Variants in ISX observed in about 807,000 individuals in gnomAD.
The protein encoded by ISX is intestine-specific homeobox.
In ISX, 15 loss-of-function variants were observed where a neutral mutation model predicts 16.9. That is an observed-to-expected ratio of 0.89 (90% CI 0.59 to 1.36). The LOEUF is 1.36. Among genes scored for constraint, ISX ranks in the 40% most tolerant of loss-of-function variants. ISX has a pLI of 0.00. For synonymous variants in ISX, 125 were observed against 119.7 expected (o/e 1.04, Z -0.29); for missense variants, 316 against 306.1 (o/e 1.03, Z -0.24).
chr22:35,068,606 G>C (rs889841507), intron 2 of ISX, among the ~76,000 whole-genome samples: 8 of 152,192 alleles, frequency 5.3e-5, no homozygotes, highest in African/African-American at 1.9e-4. Context: ...TGTCATGAGA[G>C]AGAGGTCTCG....
chr22:35,069,961 AAGGCCC>A (rs1328591367), intron 2 of ISX, among the ~76,000 whole-genome samples: 6 of 152,216 alleles, frequency 3.9e-5, no homozygotes, highest in Admixed American at 3.9e-4. Flanking sequence ...TCTAAGTGAA[AAGGCCC>A]AGGAATCTGC....
chr22:35,070,571 A>G (rs5755567), intron 2 of ISX, among the ~76,000 whole-genome samples: 25,775 of 152,242 alleles, frequency 0.17, 2,338 homozygotes, highest in Admixed American at 0.24. Flanking sequence ...CCTGTGGGGA[A>G]CCCAGGTATC....
Position 35,085,434 on chromosome 22 carries a change from C to T in ISX, c.499-20C>T, listed in dbSNP as rs1230439230. 1 of 1,614,158 alleles carries T rather than the reference C, an allele frequency of 6.2e-7. No individual in the cohort carries two copies. The highest frequency in any genetic ancestry group is 1.7e-5 in the Admixed American group (1 of 60,030). On this transcript the variant is annotated intron_variant, in intron 4 of 4. Coordinates refer to ENST00000404699, the MANE Select transcript of ISX (RefSeq NM_001303508.2). ...ACAGCTTAGGACTCACTTCTCTCTC[C>T]TGACCTCTCCTTGTGACAGGGGCCC...
At chr22:35,084,961 A>G (rs1423376150) in intron 4 of ISX, among the ~76,000 whole-genome samples, 1 of 152,138 alleles carries the variant, frequency 6.6e-6, no homozygotes, top group Non-Finnish European at 1.5e-5. Context: ...GCACCTAGGA[A>G]GTGCTCCCTA....
chr22:35,072,480 C>T (rs893193002), intron 2 of ISX, among the ~76,000 whole-genome samples: 1 of 152,128 alleles, frequency 6.6e-6, no homozygotes, highest in Admixed American at 6.5e-5. Flanking sequence ...AAACATACTC[C>T]CTAGAATTAT....
chr22:35,085,641 T>C lies in ISX; in HGVS notation c.686T>C (p.Ile229Thr). The C allele has an allele frequency of 3.1e-6, 5 of 1,614,214 alleles. No individual in the cohort carries two copies. The highest frequency in any genetic ancestry group is 4.2e-6 in the Non-Finnish European group (5 of 1,180,036). ...CAAACTTGCATCCCTGTGCTATGCA[T>C]CCTTCCACCTCCACACCCCAAATGG... ...IHQTCIPVLC[I>T]LPPPHPKWGS... is the part of the protein sequence containing the mutation. Residue 229 changes from isoleucine (I) to threonine (T), a missense_variant, in exon 5 of 5, where the codon ATC becomes ACC. Physicochemically the swap from Ile to Thr is moderately conservative, Grantham distance 89 (BLOSUM62 -1). Coordinates refer to ENST00000404699, the MANE Select transcript of ISX (RefSeq NM_001303508.2).
At chr22:35,075,779 C>G (rs1211622132) in intron 2 of ISX, among the ~76,000 whole-genome samples, 1 of 152,130 alleles carries the variant, frequency 6.6e-6, no homozygotes, top group East Asian at 1.9e-4. Flanking sequence ...GCCAGTCACC[C>G]CGGGGAGTGG....
intron 3 of ISX, among the ~76,000 whole-genome samples, chr22:35,083,291 C>T (rs1929167351): frequency 1.3e-4 from 20 of 152,084 alleles, no homozygotes. Flanking sequence ...GCCTGTAGGC[C>T]GCAGTTTGTC....
At chr22:35,078,980 A>T (rs1929058458) in intron 2 of ISX, among the ~76,000 whole-genome samples, 1 of 152,240 alleles carries the variant, frequency 6.6e-6, no homozygotes, top group African/African-American at 2.4e-5. Flanking sequence ...ACTGAGGCCC[A>T]GATAATGAAT....
At chr22:35,080,872 CCT>C (rs1362901062) in intron 2 of ISX, among the ~76,000 whole-genome samples, 2 of 152,158 alleles carry the variant, frequency 1.3e-5, no homozygotes, top group African/African-American at 2.4e-5. Flanking sequence ...TGTCCACCTC[CCT>C]CTGTTAGCAC....
At chr22:35,074,115 T>C (rs1928922199) in intron 2 of ISX, among the ~76,000 whole-genome samples, 1 of 152,264 alleles carries the variant, frequency 6.6e-6, no homozygotes. Context: ...TCTCTGCATG[T>C]GAGCTCACCT....
At chr22:35,070,152 G>C (rs1490081531) in intron 2 of ISX, among the ~76,000 whole-genome samples, 2 of 152,220 alleles carry the variant, frequency 1.3e-5, no homozygotes, top group South Asian at 2.1e-4. Flanking sequence ...GTGCTCTACT[G>C]TCCTCATTTC....
At chr22:35,082,835 C>T (rs1283801418) in intron 3 of ISX, among the ~76,000 whole-genome samples, 166 bp downstream of exon 3, 1 of 152,178 alleles carries the variant, frequency 6.6e-6, no homozygotes, top group Non-Finnish European at 1.5e-5. Context: ...GAAATGAGGT[C>T]ACTATAGCTC....
chr22:35,086,098 C>T lies in ISX; in HGVS notation c.*405C>T, dbSNP rs1929249439. The T allele has an allele frequency of 3.4e-6, 1 of 292,208 alleles. No homozygotes were observed. Among genetic ancestry groups the T allele is most frequent in the Admixed American group, 4.8e-5 (1 of 20,872 alleles). The allele number at this position is 292,208 out of a possible 1,614,324, so 18.1% of individuals were successfully genotyped here. The stretch of plus-strand genomic sequence containing the variant: ...TTTCTGAAGACGCTTCCATGGTGGG[C>T]ACTGAGGCACAGAGGAGGCCAAGGA... On this transcript the variant is annotated 3_prime_UTR_variant, in exon 5 of 5. Transcript: ENST00000404699.
intron 2 of ISX, among the ~76,000 whole-genome samples, chr22:35,077,220 T>C (rs1398027850): frequency 2.0e-5 from 3 of 152,244 alleles, no homozygotes; most frequent in African/African-American, 7.2e-5. Flanking sequence ...TCTTGTCTAA[T>C]AACGAGTTTC....
chr22:35,073,465 T>C (rs1928907446), intron 2 of ISX, among the ~76,000 whole-genome samples: 1 of 152,196 alleles, frequency 6.6e-6, no homozygotes, highest in Non-Finnish European at 1.5e-5. Context: ...GATCCCTGAG[T>C]TGGTTTTTCC....
intron 2 of ISX, among the ~76,000 whole-genome samples, chr22:35,079,213 T>C (rs774308803): frequency 1.1e-4 from 16 of 152,238 alleles, no homozygotes; most frequent in Admixed American, 3.3e-4. Flanking sequence ...GCTTTACCTC[T>C]CTTATTTGGG....
intron 2 of ISX, among the ~76,000 whole-genome samples, chr22:35,081,210 T>C (rs1569113487): frequency 6.6e-6 from 1 of 152,160 alleles, no homozygotes; most frequent in Non-Finnish European, 1.5e-5. Flanking sequence ...GAAGAGGTGA[T>C]CCCAGACCGA....
chr22:35,080,682 T>C lies in ISX; in HGVS notation c.230-1836T>C, dbSNP rs1389890143. Among the ~76,000 whole-genome samples, 5 of 152,148 alleles carry C rather than the reference T, an allele frequency of 3.3e-5. No homozygotes were observed. In the South Asian group the frequency reaches 6.2e-4, roughly 19 times the overall value. On this transcript the variant is annotated intron_variant, in intron 2 of 4. Coordinates refer to ENST00000404699, the MANE Select transcript of ISX (RefSeq NM_001303508.2). Reference sequence around the variant, plus strand: ...ACCACTAGAGGGGTTTGATTCTCTTTCCTAGTTGTATAAAGAAAAATGTCC... The same window carrying C: ...ACCACTAGAGGGGTTTGATTCTCTTCCCTAGTTGTATAAAGAAAAATGTCC...
Sources: gnomAD v4.1 joint callset for allele counts (sites outside exome capture counted in the v4.1 genomes callset) on GRCh38, gnomAD v4.1.1 for gene constraint, MANE v1.5 for transcripts, NCBI Gene and HGNC (gene_info 2026-07-23, HGNC 2026-07-21) for gene names.